The following TRPV5 variants were observed in gnomAD, a reference collection of about 807,000 sequenced individuals.
TRPV5 encodes the protein calcium transport protein 2.
In TRPV5, 66 loss-of-function variants were observed where a neutral mutation model predicts 74.1. The ratio of observed to expected loss-of-function variants is 0.89; its 90% CI spans 0.73 to 1.09. TRPV5 has a LOEUF of 1.09. Among genes scored for constraint, TRPV5 ranks in the 50% least tolerant of loss-of-function variants. The pLI is 0.00. For missense variants in TRPV5, 936 were observed against 930.4 expected (o/e 1.01, Z -0.08); for synonymous variants, 399 against 360.7 (o/e 1.11, Z -1.20).
At chr7:142,925,181 C>A (rs1054173351) in intron 8 of TRPV5, 13 of 488,726 alleles carry the variant, frequency 2.7e-5, no homozygotes, top group Admixed American at 7.1e-5. Context: ...ACTTGGAGCA[C>A]AATTTTCCTC....
At chr7:142,928,335 A>G (rs1796024148) in intron 6 of TRPV5, 101 bp from the exon 7 acceptor site, 1 of 1,287,048 alleles carries the variant, frequency 7.8e-7, no homozygotes, top group Non-Finnish European at 1.1e-6. Flanking sequence ...CTTGAGACAG[A>G]CAGACAGTGG....
At chr7:142,910,704 C>T (rs1286271274) in intron 13 of TRPV5, among the ~76,000 whole-genome samples, 2 of 152,222 alleles carry the variant, frequency 1.3e-5, no homozygotes, top group Non-Finnish European at 2.9e-5. Flanking sequence ...GACTTCCAGT[C>T]ATTCTGTGCT....
At chr7:142,925,157 G>A in intron 8 of TRPV5, 2 of 445,134 alleles carry the variant, frequency 4.5e-6, no homozygotes, top group Non-Finnish European at 8.1e-6. Context: ...CAACAAAAAT[G>A]GACTCAGAAA....
chr7:142,924,301 C>T (rs6967340), intron 8 of TRPV5, among the ~76,000 whole-genome samples: 7 of 93,896 alleles, frequency 7.5e-5, no homozygotes, highest in Non-Finnish European at 1.2e-4. Context: ...TATATATATA[C>T]ATATATATAT....
chr7:142,910,429 A>G (rs952357540), intron 13 of TRPV5, among the ~76,000 whole-genome samples: 18 of 152,196 alleles, frequency 1.2e-4, no homozygotes, highest in African/African-American at 4.3e-4. Flanking sequence ...ATTATGTCCA[A>G]GTAAGGAAAG....
intron 8 of TRPV5, among the ~76,000 whole-genome samples, chr7:142,917,200 A>T (rs1351707831): frequency 6.6e-6 from 1 of 151,316 alleles, no homozygotes; most frequent in African/African-American, 2.4e-5. Flanking sequence ...TCTTTATCTT[A>T]ATGTTTCTAT....
chr7:142,910,847 T>G (rs557083334), intron 13 of TRPV5, among the ~76,000 whole-genome samples: 1 of 152,152 alleles, frequency 6.6e-6, no homozygotes, highest in African/African-American at 2.4e-5. Flanking sequence ...CTCATCACTT[T>G]TAGTGCATTG....
At chr7:142,920,105 G>C (rs1361667946) in intron 8 of TRPV5, among the ~76,000 whole-genome samples, 1 of 152,142 alleles carries the variant, frequency 6.6e-6, no homozygotes, top group Non-Finnish European at 1.5e-5. Flanking sequence ...TCAAGAACCT[G>C]GCATTTACTT....
At chr7:142,920,591 G>A (rs1795867371) in intron 8 of TRPV5, among the ~76,000 whole-genome samples, 1 of 152,138 alleles carries the variant, frequency 6.6e-6, no homozygotes, top group South Asian at 2.1e-4. Flanking sequence ...GGCCTTGTCT[G>A]GTGTTTAAAG....
Position 142,933,528 on chromosome 7 carries a change from A to G in TRPV5, c.-69T>C. 2.6e-6 allele frequency: 4 copies of G among 1,563,164 alleles called. No individual in the cohort carries two copies. The highest frequency in any genetic ancestry group is 3.5e-6 in the Non-Finnish European group (4 of 1,156,138). ...AAGAAACAGGTCTAGGATGACAGCAACTGAGCAAGAGATGGGGTCTATTTG... is the reference window on the plus strand; with the variant it reads ...AAGAAACAGGTCTAGGATGACAGCAGCTGAGCAAGAGATGGGGTCTATTTG... On this transcript the variant is annotated 5_prime_UTR_variant, in exon 1 of 15. Transcript: ENST00000265310.
At chr7:142,923,707 T>A (rs181239437) in intron 8 of TRPV5, among the ~76,000 whole-genome samples, 1 of 152,290 alleles carries the variant, frequency 6.6e-6, no homozygotes, top group Non-Finnish European at 1.5e-5. Context: ...TGTTCAGCTA[T>A]AATTATGCTT....
chr7:142,925,769 G>A (rs776308601), intron 7 of TRPV5, 28 bp from the exon 8 acceptor site: 1 of 1,599,338 alleles, frequency 6.3e-7, no homozygotes, highest in Non-Finnish European at 8.5e-7. Flanking sequence ...TGAAACTTGG[G>A]GTGACCAACA....
chr7:142,930,361 C>G lies in TRPV5; in HGVS notation c.214G>C (p.Val72Leu). Residue 72 changes from valine to leucine, a missense_variant, in exon 2 of 15, where the codon GTT (valine) becomes CTT (leucine). Transcript: ENST00000265310. ...RQLLLDCTCDVRQRGALGETA... is the reference protein window; with the variant it reads ...RQLLLDCTCDLRQRGALGETA... ...ATCCAGATCCCACCTCTTTGTCGAA[C>G]GTCACAGGTGCAGTCCAGTAGAAGT... 6 of 1,614,142 alleles carry G rather than the reference C, an allele frequency of 3.7e-6. No individual in the cohort carries two copies. Among genetic ancestry groups the G allele is most frequent in the Non-Finnish European group, 5.1e-6 (6 of 1,179,988 alleles).
In TRPV5 at chr7:142,912,206, T is replaced by A. The variant is rs574063120; in HGVS notation, c.1788+276A>T. On this transcript the variant is annotated intron_variant, in intron 13 of 14. Transcript: ENST00000265310. Reference sequence around the variant, plus strand: ...AAAACTGGAATATACCAGAACAAGGTCACTTCTAGTTCCCACTGGACTCAA... The same window carrying A: ...AAAACTGGAATATACCAGAACAAGGACACTTCTAGTTCCCACTGGACTCAA... 7.2e-5 allele frequency among the ~76,000 whole-genome samples: 11 copies of A among 152,226 alleles called. No individual in the cohort carries two copies. In the South Asian group the frequency reaches 2.3e-3, roughly 32 times the overall value.
chr7:142,915,625 T>A (rs4252483), intron 8 of TRPV5, 57 bp from the exon 9 acceptor site: 1 of 1,570,648 alleles, frequency 6.4e-7, no homozygotes, highest in African/African-American at 1.4e-5. Flanking sequence ...AATCCTTTTG[T>A]GCAAATGATC....
chr7:142,908,340 A>G lies in TRPV5; in HGVS notation c.*174T>C, dbSNP rs1795643320. The G allele has an allele frequency of 1.1e-5, 8 of 705,150 alleles. No individual in the cohort carries two copies. The highest frequency in any genetic ancestry group is 1.9e-5 in the Non-Finnish European group (8 of 424,646). The allele number at this position is 705,150 out of a possible 1,614,324, so 43.7% of individuals were successfully genotyped here. On this transcript the variant is annotated 3_prime_UTR_variant, in exon 15 of 15. Coordinates refer to ENST00000265310, the MANE Select transcript of TRPV5 (RefSeq NM_019841.7). ...GTGAGACAATCGATGACCATTGCCC[A>G]TTGCCAGAAATTCTGATGTGAAGTG...
chr7:142,920,685 C>T (rs1207689188), intron 8 of TRPV5, among the ~76,000 whole-genome samples: 1 of 152,212 alleles, frequency 6.6e-6, no homozygotes, highest in South Asian at 2.1e-4. Flanking sequence ...AATTATTCAA[C>T]CTCTCTTGAC....
At chr7:142,925,405 G>A in intron 8 of TRPV5, 124 bp downstream of exon 8, 1 of 911,626 alleles carries the variant, frequency 1.1e-6, no homozygotes, top group Non-Finnish European at 1.7e-6. Flanking sequence ...TTCTACCTGG[G>A]TGTTTAGGAG....
chr7:142,925,072 T>G, intron 8 of TRPV5: 1 of 206,972 alleles, frequency 4.8e-6, no homozygotes, highest in Non-Finnish European at 9.9e-6. Flanking sequence ...AGCTGACACA[T>G]TATTCCCATG....
Sources: allele counts gnomAD v4.1 joint callset (sites outside exome capture counted in the v4.1 genomes callset), GRCh38; gene constraint gnomAD v4.1.1; transcripts MANE v1.5; gene names NCBI Gene and HGNC (gene_info 2026-07-23, HGNC 2026-07-21).